Variants in PRPF6 observed in about 807,000 individuals in gnomAD.
PRPF6 encodes the protein pre-mRNA-processing factor 6.
A neutral mutation model predicts 118.3 loss-of-function variants in PRPF6; 42 were observed. The observed-to-expected ratio is 0.35, with a 90% CI of 0.28 to 0.46. The LOEUF is 0.46. Ranked by LOEUF, PRPF6 falls within the 20% of genes least tolerant of loss-of-function variation. The pLI is 1.00. For synonymous variants in PRPF6, 481 were observed against 485.1 expected (o/e 0.99, Z 0.11); for missense variants, 662 against 1,255.7 (o/e 0.53, Z 7.15).
intron 1 of PRPF6, among the ~76,000 whole-genome samples, chr20:63,982,051 G>A (rs1365760352): frequency 6.6e-6 from 1 of 152,086 alleles, no homozygotes; most frequent in Non-Finnish European, 1.5e-5. Context: ...GGAACAGGAG[G>A]GAGTCCAGTG....
chr20:63,989,580 A>T (rs546829647), intron 3 of PRPF6, among the ~76,000 whole-genome samples: 120 of 148,368 alleles, frequency 8.1e-4, no homozygotes, highest in Non-Finnish European at 1.5e-3. Flanking sequence ...GCTTTTTTTT[A>T]TCTTGGCTCA....
intron 12 of PRPF6, among the ~76,000 whole-genome samples, chr20:64,019,555 T>G (rs2059253859): frequency 6.6e-6 from 1 of 152,218 alleles, no homozygotes; most frequent in Non-Finnish European, 1.5e-5. Flanking sequence ...ACAGCATCAC[T>G]TGATCCTGTG....
chr20:63,996,807 T>C (rs2059142770), intron 6 of PRPF6, among the ~76,000 whole-genome samples: 1 of 152,136 alleles, frequency 6.6e-6, no homozygotes, highest in Non-Finnish European at 1.5e-5. Flanking sequence ...GTGGTGCCTG[T>C]AGTCCCAGCT....
At chr20:64,001,451 G>C (rs982688719) in intron 9 of PRPF6, among the ~76,000 whole-genome samples, 1 of 152,202 alleles carries the variant, frequency 6.6e-6, no homozygotes. Context: ...GGGATGCTTG[G>C]GTTGAGCCCT....
intron 6 of PRPF6, among the ~76,000 whole-genome samples, chr20:63,998,510 G>A (rs1056646388): frequency 2.0e-5 from 3 of 151,654 alleles, no homozygotes; most frequent in Admixed American, 1.3e-4. Context: ...TCCTGCTTGG[G>A]TGACAGAGTG....
Position 64,031,894 on chromosome 20 carries a change from G to T in PRPF6, c.2547-24G>T, listed in dbSNP as rs774675869. On this transcript the variant is annotated intron_variant, in intron 19 of 20. Coordinates refer to ENST00000266079, the MANE Select transcript of PRPF6 (RefSeq NM_012469.4). Reference sequence around the variant, plus strand: ...ACCGTCCTGCAGCCACTCACTCTGGGTTCACGTCCTTCTGCTGGAACAGGC... The same window carrying T: ...ACCGTCCTGCAGCCACTCACTCTGGTTTCACGTCCTTCTGCTGGAACAGGC... 4 of 1,613,876 alleles carry T rather than the reference G, an allele frequency of 2.5e-6. No homozygotes were observed. The African/African-American group carries it at 5.3e-5, about 22-fold the overall frequency.
At chr20:63,987,867 A>T (rs1225832758) in intron 3 of PRPF6, among the ~76,000 whole-genome samples, 1 of 151,446 alleles carries the variant, frequency 6.6e-6, no homozygotes, top group Non-Finnish European at 1.5e-5. Flanking sequence ...TGGCCAACAA[A>T]GAGAAACCCT....
Position 64,026,056 on chromosome 20 carries a change from C to T in PRPF6, c.2026C>T (p.Arg676Trp), listed in dbSNP as rs1215198380. The T allele has an allele frequency of 3.1e-6, 5 of 1,604,166 alleles. No homozygotes were observed. Among genetic ancestry groups the T allele is most frequent in the Non-Finnish European group, 4.2e-6 (5 of 1,179,684 alleles). ...GGCGCGGAGCAGTGCCCCCACCGCCCGGGTACGCAGTGGCAGGCAGGGCTG... is the reference window on the plus strand; with the variant it reads ...GGCGCGGAGCAGTGCCCCCACCGCCTGGGTACGCAGTGGCAGGCAGGGCTG... The part of the protein sequence containing the change: ...AKARSSAPTA[R>W]VFMKSVKLEW... Residue 676 changes from arginine to tryptophan, a missense_variant and splice_region_variant, in exon 15 of 21, where the codon CGG becomes TGG. Transcript: ENST00000266079. The surrounding 1 kb of genome is among the most constrained non-coding windows in gnomAD (Gnocchi z 4.4).
chr20:63,981,137 C>T lies in PRPF6; in HGVS notation c.-109C>T, dbSNP rs961409552. ...CGGGGCGCGGGTGACGCGACGACGG[C>T]GACACTTTGCTACGGAGTGCATCGG... On this transcript the variant is annotated 5_prime_UTR_variant, in exon 1 of 21. Transcript: ENST00000266079. 9.9e-6 allele frequency: 12 copies of T among 1,208,850 alleles called. No individual in the cohort carries two copies. Among genetic ancestry groups the T allele is most frequent in the Admixed American group, 4.0e-5 (2 of 50,084 alleles). 74.9% of individuals were successfully genotyped at this position (1,208,850 alleles called of 1,614,324 possible).
chr20:64,018,142 G>A (rs1234528998), intron 12 of PRPF6, among the ~76,000 whole-genome samples: 1 of 152,178 alleles, frequency 6.6e-6, no homozygotes, highest in Non-Finnish European at 1.5e-5. Flanking sequence ...GCCGTAGTGA[G>A]CTGTGATTGC....
At chr20:63,985,289 G>T (rs546433193) in intron 3 of PRPF6, among the ~76,000 whole-genome samples, 59 of 151,550 alleles carry the variant, frequency 3.9e-4, no homozygotes, top group African/African-American at 1.4e-3. Flanking sequence ...AGCCCAGGAG[G>T]TAGAAACTGC....
Position 64,029,157 on chromosome 20 carries a change from ACT to A in PRPF6, c.2432-217_2432-216del, listed in dbSNP as rs1340229712. 1.3e-5 allele frequency among the ~76,000 whole-genome samples: 2 copies of A among 151,936 alleles called. No homozygotes were observed. The highest frequency in any genetic ancestry group is 6.6e-5 in the Admixed American group (1 of 15,252). ...ACTCCACCCTGAATGACAGAGTGAGACTCTGCAGGGTGTCCAGTCTGTGCCCT... is the reference window on the plus strand; with the variant it reads ...ACTCCACCCTGAATGACAGAGTGAGACTGCAGGGTGTCCAGTCTGTGCCCT... On this transcript the variant is annotated intron_variant, in intron 18 of 20. Coordinates refer to ENST00000266079, the MANE Select transcript of PRPF6 (RefSeq NM_012469.4). The surrounding 1 kb of genome is among the most constrained non-coding windows in gnomAD (Gnocchi z 4.8).
At chr20:63,990,805 C>A (rs375786301) in intron 3 of PRPF6, among the ~76,000 whole-genome samples, 3 of 151,930 alleles carry the variant, frequency 2.0e-5, no homozygotes, top group East Asian at 1.9e-4. Context: ...CCGCCACGCC[C>A]GGCTGATTTT....
Position 63,993,503 on chromosome 20 carries a change from T to G in PRPF6, c.438+18T>G. ...ACCTCAAGGTGAGCCGATGAAGCGGTGAATGGTGTGCGGTTTCTAACGCTC... is the reference window on the plus strand; with the variant it reads ...ACCTCAAGGTGAGCCGATGAAGCGGGGAATGGTGTGCGGTTTCTAACGCTC... On this transcript the variant is annotated intron_variant, in intron 4 of 20. Coordinates refer to ENST00000266079, the MANE Select transcript of PRPF6 (RefSeq NM_012469.4). The G allele has an allele frequency of 6.3e-7, 1 of 1,598,648 alleles. No individual in the cohort carries two copies. The highest frequency in any genetic ancestry group is 8.6e-7 in the Non-Finnish European group (1 of 1,166,600).
At chr20:63,982,917 T>C in intron 1 of PRPF6, 130 bp from the exon 2 acceptor site, 1 of 1,127,126 alleles carries the variant, frequency 8.9e-7, no homozygotes, top group South Asian at 1.4e-5. Flanking sequence ...TGCAGTTCAT[T>C]GTCACCAGGA....
chr20:63,982,184 A>T (rs897564538), intron 1 of PRPF6, among the ~76,000 whole-genome samples: 19 of 151,948 alleles, frequency 1.3e-4, no homozygotes, highest in East Asian at 3.9e-4. Context: ...TATTATTATT[A>T]TTTTTTGAGA....
intron 3 of PRPF6, 144 bp downstream of exon 3, chr20:63,985,169 G>A (rs2059087850): frequency 9.2e-6 from 6 of 651,452 alleles, no homozygotes; most frequent in South Asian, 9.1e-5. Context: ...TTTGAGACCA[G>A]TGTGGGCAAC....
At chr20:64,010,070 G>A (rs1222756517) in intron 9 of PRPF6, 130 bp from the exon 10 acceptor site, 2 of 804,444 alleles carry the variant, frequency 2.5e-6, no homozygotes, top group Non-Finnish European at 4.4e-6. Flanking sequence ...CCACATAAAG[G>A]GCAGGTGTGT....
Position 64,025,931 on chromosome 20 carries a change from C to A in PRPF6, c.1909-8C>A. 6.2e-7 allele frequency: 1 copy of A among 1,613,596 alleles called. No individual in the cohort carries two copies. Among genetic ancestry groups the A allele is most frequent in the Non-Finnish European group, 8.5e-7 (1 of 1,180,030 alleles). On this transcript the variant is annotated splice_region_variant and splice_polypyrimidine_tract_variant and intron_variant, in intron 14 of 20. Transcript: ENST00000266079. ...ACCCCTCTTGACGCTGCTGTACTTG[C>A]CCTTCAGGCCAACCCCAACAGTGAG... is the stretch of plus-strand genomic sequence containing the variant.
Sources: gnomAD v4.1 joint callset for allele counts (sites outside exome capture counted in the v4.1 genomes callset) on GRCh38, gnomAD v4.1.1 for gene constraint, Gnocchi (gnomAD v3.1) non-coding constraint, MANE v1.5 for transcripts, NCBI Gene and HGNC (gene_info 2026-07-23, HGNC 2026-07-21) for gene names.